Variants in L1TD1 observed in about 807,000 individuals in gnomAD.
L1TD1 encodes the protein LINE1 type transposase domain containing 1, also known as LINE-1 type transposase domain-containing protein 1.
L1TD1 carries 26 observed loss-of-function variants against 25.7 expected under a neutral mutation model. The ratio of observed to expected loss-of-function variants is 1.01; its 90% CI spans 0.74 to 1.40. The LOEUF is 1.40. Ranked by LOEUF, L1TD1 falls within the 40% of genes most tolerant of loss-of-function variation. The pLI is 0.00. For missense variants in L1TD1, 1,130 were observed against 975.0 expected (o/e 1.16, Z -2.12); for synonymous variants, 421 against 335.6 (o/e 1.25, Z -2.78).
At chr1:62,206,300 G>A (rs1021814684) in intron 2 of L1TD1, among the ~76,000 whole-genome samples, 2 of 152,074 alleles carry the variant, frequency 1.3e-5, no homozygotes, top group African/African-American at 4.8e-5. Flanking sequence ...CTGCTCTTTG[G>A]TTAATTTATT....
rs1261055805 is a variant in L1TD1 at position 62,205,443 on chromosome 1, A to ATTTTTTTTTTTTTTTTTT, written c.-110-1067_-110-1066insTTTTTTTTTTTTTTTTTT. Reference sequence around the variant, plus strand: ...TATATATATATATATATATATATATATTTTTTTTTAGACAGTCTTGCTGTG... The same window carrying ATTTTTTTTTTTTTTTTTT: ...TATATATATATATATATATATATATATTTTTTTTTTTTTTTTTTTTTTTTTTTAGACAGTCTTGCTGTG... On this transcript the variant is annotated intron_variant, in intron 2 of 3. Coordinates refer to ENST00000498273, the MANE Select transcript of L1TD1 (RefSeq NM_019079.5). Among the ~76,000 whole-genome samples, 174 of 63,476 alleles carry ATTTTTTTTTTTTTTTTTT rather than the reference A, an allele frequency of 2.7e-3. 5 individuals are homozygous for ATTTTTTTTTTTTTTTTTT. The highest frequency in any genetic ancestry group is 4.2e-3 in the Non-Finnish European group (137 of 32,426). The allele number at this position is 63,476 out of a possible 152,430, so 41.6% of individuals were successfully genotyped here.
chr1:62,205,444 T>TATATA (rs1195636077), intron 2 of L1TD1, among the ~76,000 whole-genome samples: 1 of 75,906 alleles, frequency 1.3e-5, no homozygotes, highest in African/African-American at 4.4e-5. Context: ...TATATATATA[T>TATATA]TTTTTTTTAG....
intron 2 of L1TD1, among the ~76,000 whole-genome samples, chr1:62,202,300 C>CAA (rs761414950): frequency 3.2e-5 from 4 of 124,824 alleles, no homozygotes; most frequent in South Asian, 2.6e-4. Flanking sequence ...AACTTCATCT[C>CAA]AAAAAAAAAA....
chr1:62,199,510 A>T (rs1353745778), intron 2 of L1TD1, among the ~76,000 whole-genome samples: 1 of 151,740 alleles, frequency 6.6e-6, no homozygotes. Context: ...AAAAAAAAAA[A>T]AAATCAGCAT....
rs1670888728 is a variant in L1TD1, at chr1:62,212,091, G to A, written c.*719G>A. On this transcript the variant is annotated 3_prime_UTR_variant, in exon 4 of 4. Transcript: ENST00000498273. Reference sequence around the variant, plus strand: ...GGAGGGGACAGTAACAGAAAAGCACGGGAAAAGATGGCAAGGTTAGTTAAA... The same window carrying A: ...GGAGGGGACAGTAACAGAAAAGCACAGGAAAAGATGGCAAGGTTAGTTAAA... 1.3e-5 allele frequency: 2 copies of A among 152,166 alleles called. No individual in the cohort carries two copies. Among genetic ancestry groups the A allele is most frequent in the African/African-American group, 2.4e-5 (1 of 41,424 alleles). The allele number at this position is 152,166 out of a possible 1,614,324, so 9.4% of individuals were successfully genotyped here. A position where few individuals can be genotyped will look rare whatever the true frequency, so the allele number is the denominator to read the frequency against.
intron 2 of L1TD1, among the ~76,000 whole-genome samples, chr1:62,204,476 T>G (rs1670697866): frequency 6.6e-6 from 1 of 152,228 alleles, no homozygotes. Flanking sequence ...ACCTTTAGTA[T>G]TTAAACATTA....
Position 62,206,774 on chromosome 1 carries a change from C to T in L1TD1, c.146C>T (p.Ser49Leu), listed in dbSNP as rs564113180. The T allele has an allele frequency of 1.2e-5, 19 of 1,562,522 alleles. No individual in the cohort carries two copies. The East Asian group carries it at 4.5e-4, about 37-fold the overall frequency. The change falls in exon 3 of 4, where the codon TCA becomes TTA. Residue 49 changes from serine to leucine, a missense_variant. By Grantham distance (145) the Ser-to-Leu change is moderately radical. Transcript: ENST00000498273. Reference protein sequence around the residue: ...PVLDLKCKDVSAIMNKFKVLM... With the variant: ...PVLDLKCKDVLAIMNKFKVLM... ...TTAGATTTAAAATGCAAGGACGTATCAGCAATTATGAATAAGTTTAAGGTC... is the reference window on the plus strand; with the variant it reads ...TTAGATTTAAAATGCAAGGACGTATTAGCAATTATGAATAAGTTTAAGGTC...
Position 62,207,334 on chromosome 1 carries a change from T to C in L1TD1, c.706T>C (p.Leu236=), listed in dbSNP as rs1365916269. 1 of 1,551,292 alleles carries C rather than the reference T, an allele frequency of 6.4e-7. No homozygotes were observed. Among genetic ancestry groups the C allele is most frequent in the Non-Finnish European group, 8.7e-7 (1 of 1,146,842 alleles). Residue 236 remains leucine (L), a synonymous_variant, in exon 3 of 4, where the codon TTG becomes CTG. Coordinates refer to ENST00000498273, the MANE Select transcript of L1TD1 (RefSeq NM_019079.5). ...AAAAGCCTCCAGAGAAGAAAAAGTG[T>C]TGATGGATGAAGGAGCAGTACTTAC... ...VLKASREEKV[L]MDEGAVLTLV... is the part of the protein sequence containing the mutation.
intron 3 of L1TD1, 122 bp downstream of exon 3, chr1:62,207,758 G>T: frequency 8.1e-7 from 1 of 1,233,920 alleles, no homozygotes; most frequent in Non-Finnish European, 1.1e-6. Flanking sequence ...TGTCGGCCAG[G>T]TGGGAGTGCA....
chr1:62,211,373 C>G lies in L1TD1; in HGVS notation c.*1C>G. 1 of 1,578,142 alleles carries G rather than the reference C, an allele frequency of 6.3e-7. No individual in the cohort carries two copies. Among genetic ancestry groups the G allele is most frequent in the Non-Finnish European group, 8.6e-7 (1 of 1,164,870 alleles). ...ATTACTGGGGAATAATATACCTTAG[C>G]ACGCCAGGGTGACTACAAACAATAT... On this transcript the variant is annotated 3_prime_UTR_variant, in exon 4 of 4. Transcript: ENST00000498273.
chr1:62,210,124 T>C lies in L1TD1; in HGVS notation c.1350T>C (p.Thr450=). ...AGGACTCAACCTTTCAGGGTCATAC[T>C]TTGGTAGATGCAAAGCATGAAGTTG... The part of the protein sequence containing the change: ...SEQDSTFQGH[T]LVDAKHEVEI... Residue 450 remains threonine, a synonymous_variant, in exon 4 of 4, where the codon ACT becomes ACC. Coordinates refer to ENST00000498273, the MANE Select transcript of L1TD1 (RefSeq NM_019079.5). 6.2e-7 allele frequency: 1 copy of C among 1,613,986 alleles called. No individual in the cohort carries two copies. Among genetic ancestry groups the C allele is most frequent in the Non-Finnish European group, 8.5e-7 (1 of 1,180,004 alleles).
intron 2 of L1TD1, among the ~76,000 whole-genome samples, chr1:62,204,696 C>T (rs930785952): frequency 6.6e-6 from 1 of 152,002 alleles, no homozygotes; most frequent in African/African-American, 2.4e-5. Flanking sequence ...GGCACCGTGC[C>T]CTGCTTGAAA....
At chr1:62,199,425 G>A (rs980542023) in intron 2 of L1TD1, among the ~76,000 whole-genome samples, 5 of 151,546 alleles carry the variant, frequency 3.3e-5, no homozygotes, top group African/African-American at 1.2e-4. Flanking sequence ...TTGAACCCAG[G>A]AGGCAGAGTT....
At position 62,211,385 on chromosome 1, in the gene L1TD1, A is replaced by T. The variant is rs1478962585; in HGVS notation, c.*13A>T. Reference sequence around the variant, plus strand: ...TAATATACCTTAGCACGCCAGGGTGACTACAAACAATATGCTTTCCTCCCC... The same window carrying T: ...TAATATACCTTAGCACGCCAGGGTGTCTACAAACAATATGCTTTCCTCCCC... On this transcript the variant is annotated 3_prime_UTR_variant, in exon 4 of 4. Coordinates refer to ENST00000498273, the MANE Select transcript of L1TD1 (RefSeq NM_019079.5). 2 of 1,553,460 alleles carry T rather than the reference A, an allele frequency of 1.3e-6. No homozygotes were observed. The highest frequency in any genetic ancestry group is 1.4e-5 in the African/African-American group (1 of 72,848).
At chr1:62,206,481 T>C (rs1570927961) in intron 2 of L1TD1, 38 bp from the exon 3 acceptor site, 5 of 766,928 alleles carry the variant, frequency 6.5e-6, no homozygotes, top group Middle Eastern at 4.3e-4. Flanking sequence ...CTCAAGAGAA[T>C]TCTTTAGTAA....
chr1:62,200,001 T>C (rs979218544), intron 2 of L1TD1, among the ~76,000 whole-genome samples: 2 of 152,182 alleles, frequency 1.3e-5, no homozygotes, highest in African/African-American at 4.8e-5. Flanking sequence ...GTACTCTATA[T>C]TTTCTGCACC....
chr1:62,207,195 T>A lies in L1TD1; in HGVS notation c.567T>A (p.Asn189Lys). Residue 189 changes from asparagine to lysine, a missense_variant, in exon 3 of 4, where the codon AAT becomes AAA. By Grantham distance (94) the Asn-to-Lys change is moderately conservative. Transcript: ENST00000498273. ...TAGATGACAGAGATGGAAATCGCAA[T>A]GTCCATTTAGAATTTACAGAAAGAG... ...CNIDDRDGNR[N>K]VHLEFTERES... 6.4e-7 allele frequency: 1 copy of A among 1,552,204 alleles called. No homozygotes were observed. Among genetic ancestry groups the A allele is most frequent in the Non-Finnish European group, 8.7e-7 (1 of 1,147,180 alleles).
intron 3 of L1TD1, 110 bp from the exon 4 acceptor site, chr1:62,209,673 C>G: frequency 1.1e-6 from 1 of 951,390 alleles, no homozygotes; most frequent in Non-Finnish European, 1.5e-6. Context: ...CAGATATTTT[C>G]TGTCAGAATT....
At chr1:62,204,518 T>G (rs1331160499) in intron 2 of L1TD1, among the ~76,000 whole-genome samples, 2 of 152,224 alleles carry the variant, frequency 1.3e-5, no homozygotes, top group Non-Finnish European at 2.9e-5. Context: ...AATTTATCTT[T>G]TACTTTTATG....
Sources: gnomAD v4.1 joint callset for allele counts (sites outside exome capture counted in the v4.1 genomes callset) on GRCh38, gnomAD v4.1.1 for gene constraint, MANE v1.5 for transcripts, NCBI Gene and HGNC (gene_info 2026-07-23, HGNC 2026-07-21) for gene names.